The following IL1RAPL1 variants were observed in gnomAD, a reference collection of about 807,000 sequenced individuals.
The protein encoded by IL1RAPL1 is interleukin 1 receptor accessory protein like 1.
In IL1RAPL1, 3 loss-of-function variants were observed where a neutral mutation model predicts 48.4. The ratio of observed to expected loss-of-function variants is 0.06; its 90% CI spans 0.03 to 0.16. The LOEUF (loss-of-function observed/expected upper bound fraction) is 0.16. IL1RAPL1 is among the 10% of genes least tolerant of loss of function. The probability of loss-of-function intolerance (pLI) is 1.00; values close to 1 mark genes in which losing one functional copy is unlikely to be tolerated. For synonymous variants in IL1RAPL1, 185 were observed against 187.7 expected, an observed-to-expected ratio of 0.99 and a Z score of 0.12; for missense variants, 349 against 530.6, an observed-to-expected ratio of 0.66 and a Z score of 3.36.
chrX:29,533,730 T>A (rs1430471952), intron 5 of IL1RAPL1, among the ~76,000 whole-genome samples: 1 of 112,415 alleles, frequency 8.9e-6, no homozygotes, highest in African/African-American at 3.2e-5. Flanking sequence ...TGAGGTTTCC[T>A]AATTTTCAAC....
intron 5 of IL1RAPL1, among the ~76,000 whole-genome samples, chrX:29,554,510 A>G (rs1921927828): frequency 9.0e-6 from 1 of 111,299 alleles, no homozygotes; most frequent in Non-Finnish European, 1.9e-5. Context: ...CTAATGAAAC[A>G]TTGTAGGCCT....
At chrX:29,861,552 A>AAT (rs1931584508) in intron 6 of IL1RAPL1, among the ~76,000 whole-genome samples, 3 of 111,070 alleles carry the variant, frequency 2.7e-5, no homozygotes. Context: ...GAAATATAGC[A>AAT]TCCAAAATAA....
chrX:29,782,757 G>A (rs2147157520), intron 6 of IL1RAPL1, among the ~76,000 whole-genome samples: 1 of 109,933 alleles, frequency 9.1e-6, no homozygotes, highest in South Asian at 4.0e-4. Flanking sequence ...GAGAGGAAAT[G>A]GCATAAGCAA....
chrX:29,816,085 G>A (rs1401066510), intron 6 of IL1RAPL1, among the ~76,000 whole-genome samples: 4 of 110,929 alleles, frequency 3.6e-5, no homozygotes, highest in Non-Finnish European at 7.6e-5. Flanking sequence ...TAGCAGAAGT[G>A]AACAAGATAG....
chrX:29,465,406 A>G (rs1934850990), intron 5 of IL1RAPL1, among the ~76,000 whole-genome samples: 1 of 111,966 alleles, frequency 8.9e-6, no homozygotes, highest in African/African-American at 3.3e-5. Flanking sequence ...GCCCTGTCTC[A>G]AAAAAATTAT....
chrX:29,230,044 A>T (rs1931162199), intron 2 of IL1RAPL1, among the ~76,000 whole-genome samples: 1 of 111,896 alleles, frequency 8.9e-6, no homozygotes, highest in South Asian at 3.7e-4. Flanking sequence ...AAATGACTCA[A>T]CCCATCACAA....
At chrX:28,679,143 G>A (rs1372091001) in intron 1 of IL1RAPL1, among the ~76,000 whole-genome samples, 1 of 111,963 alleles carries the variant, frequency 8.9e-6, no homozygotes, top group East Asian at 2.8e-4. Flanking sequence ...ACAAGTGTGA[G>A]GTGATATCTC....
chrX:29,657,150 A>AT (rs944465165), intron 5 of IL1RAPL1, among the ~76,000 whole-genome samples: 2 of 111,878 alleles, frequency 1.8e-5, no homozygotes, highest in African/African-American at 6.5e-5. Context: ...CTACCAGAAA[A>AT]TTGAACTTTC....
At chrX:29,021,730 C>T (rs1016853339) in intron 2 of IL1RAPL1, among the ~76,000 whole-genome samples, 1 of 111,714 alleles carries the variant, frequency 9.0e-6, no homozygotes, top group African/African-American at 3.3e-5. Context: ...CTGTCTTCGT[C>T]TATGCCTAAA....
chrX:29,376,565 G>C (rs937926820), intron 3 of IL1RAPL1, among the ~76,000 whole-genome samples: 4 of 109,961 alleles, frequency 3.6e-5, no homozygotes, highest in Non-Finnish European at 5.7e-5. Flanking sequence ...TAGAGATGGG[G>C]TTTCACCATG....
chrX:29,570,708 C>T (rs777816609), intron 5 of IL1RAPL1, among the ~76,000 whole-genome samples: 1 of 111,802 alleles, frequency 8.9e-6, no homozygotes, highest in Admixed American at 9.5e-5. Context: ...TCACAGAGTA[C>T]CAGGAGGGGA....
At chrX:29,373,899 G>A (rs772446857) in intron 3 of IL1RAPL1, among the ~76,000 whole-genome samples, 185 of 13,216 alleles carry the variant, frequency 0.014, 3 homozygotes, top group Non-Finnish European at 0.028. Context: ...TTTTTGTGAC[G>A]AGGTCTCTTT....
chrX:29,096,969 A>G (rs1277357696), intron 2 of IL1RAPL1, among the ~76,000 whole-genome samples: 1 of 111,090 alleles, frequency 9.0e-6, no homozygotes, highest in Non-Finnish European at 1.9e-5. Context: ...AAAATTAAAG[A>G]ACTTATGGAG....
At chrX:29,517,899 G>A (rs894368217) in intron 5 of IL1RAPL1, among the ~76,000 whole-genome samples, 4 of 111,502 alleles carry the variant, frequency 3.6e-5, no homozygotes, top group Non-Finnish European at 7.5e-5. Flanking sequence ...TCTGCTGTTT[G>A]GTTTCTAGGA....
rs753160985 is a variant in IL1RAPL1, at chrX:28,853,210, G to C, written c.82+63785G>C. Among the ~76,000 whole-genome samples the C allele has an allele frequency of 8.1e-5, 9 of 111,618 alleles. No homozygotes were observed. The East Asian group carries it at 1.4e-3, about 18-fold the overall frequency. ...TGTCTACAGCAACTTCAATGCAATTGCATAAAATAAATTATAAATATAAAT... is the reference window on the plus strand; with the variant it reads ...TGTCTACAGCAACTTCAATGCAATTCCATAAAATAAATTATAAATATAAAT... On this transcript the variant is annotated intron_variant, in intron 2 of 10. Transcript: ENST00000378993.
chrX:29,236,726 ATTTTTTTTT>A (rs386416818), intron 2 of IL1RAPL1, among the ~76,000 whole-genome samples: 1 of 87,127 alleles, frequency 1.1e-5, no homozygotes. Context: ...CGCCTGGCTA[ATTTTTTTTT>A]TTTTTTGTAT....
At chrX:28,998,899 G>GT (rs1157011836) in intron 2 of IL1RAPL1, among the ~76,000 whole-genome samples, 3 of 111,839 alleles carry the variant, frequency 2.7e-5, no homozygotes, top group Non-Finnish European at 3.8e-5. Flanking sequence ...CTGTCAAAAA[G>GT]TAAGTTAAAA....
rs752529904 is a variant in IL1RAPL1 at position 29,713,881 on chromosome X, GT to G, written c.778+45385del. Among the ~76,000 whole-genome samples, 209 of 111,597 alleles carry G rather than the reference GT, an allele frequency of 1.9e-3. 2 individuals carry two copies. Among genetic ancestry groups the G allele is most frequent in the African/African-American group, 6.0e-3 (186 of 30,806 alleles). On this transcript the variant is annotated intron_variant, in intron 6 of 10. Coordinates refer to ENST00000378993, the MANE Select transcript of IL1RAPL1 (RefSeq NM_014271.4). Reference sequence around the variant, plus strand: ...CATTTGAAACAAATTTATTGATATAGTTTTTTTTAAGTTAAGTTTTACATCT... The same window carrying G: ...CATTTGAAACAAATTTATTGATATAGTTTTTTTAAGTTAAGTTTTACATCT...
At chrX:28,931,230 T>C (rs1923873757) in intron 2 of IL1RAPL1, among the ~76,000 whole-genome samples, 1 of 111,939 alleles carries the variant, frequency 8.9e-6, no homozygotes, top group African/African-American at 3.2e-5. Context: ...TCTTTCCTCC[T>C]GTCACCATGA....
Sources: allele counts gnomAD v4.1 joint callset (sites outside exome capture counted in the v4.1 genomes callset), GRCh38; gene constraint gnomAD v4.1.1; transcripts MANE v1.5; gene names NCBI Gene and HGNC (gene_info 2026-07-23, HGNC 2026-07-21).